Variants in SRP19 observed in about 807,000 individuals in gnomAD.
SRP19 encodes the protein signal recognition particle 19.
A neutral mutation model predicts 22.4 loss-of-function variants in SRP19; 11 were observed. That is an observed-to-expected ratio of 0.49 (90% CI 0.31 to 0.81). The LOEUF (loss-of-function observed/expected upper bound fraction) is 0.81. Ranked by LOEUF, SRP19 falls within the 40% of genes least tolerant of loss-of-function variation. The pLI is 0.05. For missense variants in SRP19, 168 were observed against 175.9 expected (o/e 0.96, Z 0.25); for synonymous variants, 61 against 57.6 (o/e 1.06, Z -0.27).
intron 4 of SRP19, chr5:112,887,268 G>A (rs1169664962): frequency 3.2e-6 from 4 of 1,249,434 alleles, no homozygotes; most frequent in East Asian, 5.3e-5. Context: ...ACTACTCTGG[G>A]GATGGGAGAT....
downstream of SRP19, among the ~76,000 whole-genome samples, chr5:112,873,608 A>G (rs987797946): frequency 2.0e-4 from 30 of 151,820 alleles, no homozygotes; most frequent in African/African-American, 7.0e-4. Flanking sequence ...GGGCCTCCCA[A>G]AGTGCTGGGA....
chr5:112,877,154 ACT>A (rs1228017864), intron 4 of SRP19: 1 of 151,988 alleles, frequency 6.6e-6, no homozygotes. Context: ...GGTAATCACC[ACT>A]GTTTTCCTCC....
At chr5:112,864,859 T>A in intron 4 of SRP19, 127 bp downstream of exon 4, 2 of 652,322 alleles carry the variant, frequency 3.1e-6, no homozygotes, top group Non-Finnish European at 5.2e-6. Flanking sequence ...AAGACAGGAC[T>A]ACTGCTCATG....
Position 112,892,564 on chromosome 5 carries a change from G to C in SRP19, c.*957G>C, listed in dbSNP as rs754879978. ...ACAGCTGCAATGTGAATTCTGCCCA[G>C]TGACCCGGTGGAAAATGGCGATTTG... On this transcript the variant is annotated 3_prime_UTR_variant, in exon 5 of 5. Transcript: ENST00000391338. 1.7e-5 allele frequency: 27 copies of C among 1,614,078 alleles called. No homozygotes were observed. The African/African-American group carries it at 3.6e-4, about 22-fold the overall frequency.
intron 4 of SRP19, among the ~76,000 whole-genome samples, chr5:112,880,291 C>A (rs1287028384): frequency 6.6e-6 from 1 of 152,148 alleles, no homozygotes; most frequent in East Asian, 1.9e-4. Context: ...CTGCAGGAGA[C>A]CAAGCCTTCC....
At chr5:112,861,518 A>G (rs892230974) in intron 1 of SRP19, 101 bp downstream of exon 1, 3 of 1,315,226 alleles carry the variant, frequency 2.3e-6, no homozygotes, top group East Asian at 2.4e-5. Context: ...AGAATGGCCT[A>G]GCTGATCCAA....
At position 112,884,387 on chromosome 5, in the gene SRP19, AT is replaced by A. The variant is rs1328520628; in HGVS notation, c.302-7201del. On this transcript the variant is annotated intron_variant, in intron 4 of 4. Coordinates refer to the SRP19 transcript ENST00000391338. ...ATGGTTCCTTCTTTTACCATTTTCT[AT>A]TTTTTTTTTTTTTTAGGGGGATAGG... 7.3e-3 allele frequency among the ~76,000 whole-genome samples: 951 copies of A among 129,694 alleles called. 4 individuals are homozygous for A. The highest frequency in any genetic ancestry group is 8.3e-3 in the Admixed American group (107 of 12,932). 85.1% of individuals were successfully genotyped at this position (129,694 alleles called of 152,430 possible). A position where few individuals can be genotyped will look rare whatever the true frequency, so the allele number is the denominator to read the frequency against.
chr5:112,866,486 A>T (rs1020347129), intron 4 of SRP19, among the ~76,000 whole-genome samples: 1 of 152,008 alleles, frequency 6.6e-6, no homozygotes, highest in African/African-American at 2.4e-5. Context: ...AGCTGGGAAT[A>T]TCGGCACATG....
chr5:112,877,552 A>G (rs779205239), intron 4 of SRP19: 4 of 152,168 alleles, frequency 2.6e-5, no homozygotes, highest in Non-Finnish European at 4.4e-5. Context: ...GGATGAGGGC[A>G]TTTAAATGGA....
intron 4 of SRP19, 86 bp downstream of exon 4, chr5:112,864,818 A>T: frequency 9.6e-7 from 1 of 1,040,358 alleles, no homozygotes; most frequent in Non-Finnish European, 1.4e-6. Flanking sequence ...GAAAGGTAAA[A>T]GTCAGAATTT....
At position 112,869,674 on chromosome 5, in the gene SRP19, G is replaced by A. The variant is rs1258067422; in HGVS notation, c.*2137G>A. 1 of 152,182 alleles carries A rather than the reference G, an allele frequency of 6.6e-6. No individual in the cohort carries two copies. Among genetic ancestry groups the A allele is most frequent in the South Asian group, 2.1e-4 (1 of 4,820 alleles). The allele number at this position is 152,182 out of a possible 1,614,324, so 9.4% of individuals were successfully genotyped here. On this transcript the variant is annotated 3_prime_UTR_variant, in exon 5 of 5. Coordinates refer to ENST00000505459, the MANE Select transcript of SRP19 (RefSeq NM_003135.3). ...AGGGTGGGACCAGGTGGAGATAATT[G>A]GATCATGGGGGCAATTTCCCCTGTG...
chr5:112,871,461 T>A (rs76023843), downstream of SRP19, among the ~76,000 whole-genome samples: 6,091 of 151,092 alleles, frequency 0.04, 418 homozygotes, highest in African/African-American at 0.14. Context: ...ATTAAAAAAA[T>A]TTTTTTTTAG....
intron 4 of SRP19, 168 bp downstream of exon 4, chr5:112,864,900 G>A (rs1248684646): frequency 8.9e-6 from 4 of 447,970 alleles, no homozygotes; most frequent in Non-Finnish European, 1.2e-5. Flanking sequence ...TTTCTTTGAG[G>A]TGAATGACCT....
At chr5:112,892,081 G>A (rs752976701) in exon 5 of SRP19, 28 of 1,606,152 alleles carry the variant, frequency 1.7e-5, no homozygotes, top group Non-Finnish European at 2.2e-5. Flanking sequence ...GCTGGATCAG[G>A]CTGAAAATGA....
intron 4 of SRP19, among the ~76,000 whole-genome samples, chr5:112,890,352 G>T (rs1318239463): frequency 7.0e-6 from 1 of 142,220 alleles, no homozygotes; most frequent in Non-Finnish European, 1.5e-5. Flanking sequence ...ACAGAATAAA[G>T]AACACAAAAT....
At chr5:112,878,621 G>A (rs1767968707) in intron 4 of SRP19, 1 of 995,054 alleles carries the variant, frequency 1.0e-6, no homozygotes, top group African/African-American at 1.6e-5. Context: ...TATATATATA[G>A]ACAGTAAAAG....
chr5:112,886,292 C>T (rs1020011569), intron 4 of SRP19, among the ~76,000 whole-genome samples: 2 of 152,082 alleles, frequency 1.3e-5, no homozygotes, highest in Non-Finnish European at 2.9e-5. Context: ...CCAAGGTATT[C>T]GATATGTTAC....
downstream of SRP19, among the ~76,000 whole-genome samples, chr5:112,873,102 T>A (rs1767793218): frequency 6.7e-6 from 1 of 150,346 alleles, no homozygotes; most frequent in Non-Finnish European, 1.5e-5. Flanking sequence ...TTTTTTTTTT[T>A]TTTGCCCATC....
Position 112,892,897 on chromosome 5 carries a change from C to T in SRP19, c.*1290C>T, listed in dbSNP as rs775090548. 2.9e-5 allele frequency: 46 copies of T among 1,610,256 alleles called. No homozygotes were observed. In the Middle Eastern group the frequency reaches 4.6e-3, roughly 161 times the overall value. ...ATCTCACAAACGCACATCAAAGAGTCGGGAGAGGCACAATTCACCAAGCAG... is the reference window on the plus strand; with the variant it reads ...ATCTCACAAACGCACATCAAAGAGTTGGGAGAGGCACAATTCACCAAGCAG... On this transcript the variant is annotated 3_prime_UTR_variant, in exon 5 of 5. Coordinates refer to the SRP19 transcript ENST00000391338.
Sources: gnomAD v4.1 joint callset for allele counts (sites outside exome capture counted in the v4.1 genomes callset) on GRCh38, gnomAD v4.1.1 for gene constraint, MANE v1.5 for transcripts, NCBI Gene and HGNC (gene_info 2026-07-23, HGNC 2026-07-21) for gene names.